XRN1: variants seen among roughly 807,000 people sequenced by gnomAD.
XRN1 encodes the protein 5'-3' exoribonuclease 1, also known as strand-exchange protein 1 homolog.
In XRN1, 67 loss-of-function variants were observed where a neutral mutation model predicts 222.3. The ratio of observed to expected loss-of-function variants is 0.30; its 90% CI spans 0.25 to 0.37. XRN1 has a LOEUF of 0.37. Ranked by LOEUF, XRN1 falls within the 10% of genes least tolerant of loss-of-function variation. The pLI, the probability that XRN1 is intolerant of heterozygous loss-of-function variation, is 1.00. For missense variants in XRN1, 1,707 were observed against 2,000.2 expected (o/e 0.85, Z 2.80); for synonymous variants, 643 against 652.4 (o/e 0.99, Z 0.22).
chr3:142,372,370 G>A (rs1220342387), intron 25 of XRN1, among the ~76,000 whole-genome samples: 1 of 152,156 alleles, frequency 6.6e-6, no homozygotes, highest in African/African-American at 2.4e-5. Context: ...TGCAGGTAGG[G>A]AGTGCTTGTT....
At position 142,391,713 on chromosome 3, in the gene XRN1, G is replaced by T. The variant is rs79082254; in HGVS notation, c.2339+5616C>A. Among the ~76,000 whole-genome samples the T allele has an allele frequency of 6.6e-3, 956 of 143,870 alleles. 14 individuals are homozygous for T. Among genetic ancestry groups the T allele is most frequent in the African/African-American group, 0.024 (903 of 38,288 alleles). The allele number at this position is 143,870 out of a possible 152,430, so 94.4% of individuals were successfully genotyped here. Reference sequence around the variant, plus strand: ...TGTGCCACTGCACTCCACCCTGAGTGACATAGTAAGACCCCGTCTCACTAA... The same window carrying T: ...TGTGCCACTGCACTCCACCCTGAGTTACATAGTAAGACCCCGTCTCACTAA... On this transcript the variant is annotated intron_variant, in intron 20 of 40. Transcript: ENST00000392981.
rs561934613 is a variant in XRN1, at chr3:142,328,826, G to A, written c.4404+608C>T. On this transcript the variant is annotated intron_variant, in intron 37 of 40. Coordinates refer to ENST00000392981, the MANE Select transcript of XRN1 (RefSeq NM_001282857.2). The stretch of plus-strand genomic sequence containing the variant: ...CAGGCTGGAGTGCAATGGCATAATC[G>A]TGGCTCACTGAAGTCCTGACCTCCT... 2.2e-3 allele frequency among the ~76,000 whole-genome samples: 311 copies of A among 139,710 alleles called. 5 individuals are homozygous for A. The highest frequency in any genetic ancestry group is 2.9e-3 in the Non-Finnish European group (190 of 64,426). 91.7% of individuals were successfully genotyped at this position (139,710 alleles called of 152,430 possible).
chr3:142,371,550 A>T (rs1168341884), intron 25 of XRN1, among the ~76,000 whole-genome samples: 1 of 152,200 alleles, frequency 6.6e-6, no homozygotes, highest in Non-Finnish European at 1.5e-5. Context: ...TTCAAGTCAT[A>T]AACTTATAAT....
chr3:142,396,468 C>T (rs967737857), intron 20 of XRN1, among the ~76,000 whole-genome samples: 2 of 152,120 alleles, frequency 1.3e-5, no homozygotes, highest in Admixed American at 1.3e-4. Context: ...CTACAAAAGA[C>T]AACTTAGAAT....
rs376896328 is a variant in XRN1, at chr3:142,370,635, A to G, written c.3069-15T>C. ...CTTTTTCAGCACTAAAGCAAAAACA[A>G]TAATTTTTAAAATTTGATTAAAACT... On this transcript the variant is annotated splice_polypyrimidine_tract_variant and intron_variant, in intron 26 of 40. Transcript: ENST00000392981. The G allele has an allele frequency of 6.4e-6, 10 of 1,552,924 alleles. No individual in the cohort carries two copies. The African/African-American group carries it at 7.0e-5, about 11-fold the overall frequency.
intron 1 of XRN1, among the ~76,000 whole-genome samples, chr3:142,445,009 T>C (rs1326814484): frequency 2.6e-5 from 4 of 152,258 alleles, no homozygotes; most frequent in Non-Finnish European, 4.4e-5. Context: ...CATTCTGTTA[T>C]GCTGCTTTGG....
Position 142,425,263 on chromosome 3 carries a change from G to GTATCATTAAAAAA in XRN1, c.585_586insTTTTTTAATGATA (p.Pro196PhefsTer17). The GTATCATTAAAAAA allele has an allele frequency of 6.2e-7, 1 of 1,606,488 alleles. No individual in the cohort carries two copies. The highest frequency in any genetic ancestry group is 8.5e-7 in the Non-Finnish European group (1 of 1,176,338). ...CCATAAAGACAGTGTCTGGTGTTTG[G>GTATCATTAAAAAA]ATCATGATCTGGCTTTGCTTTCTCG... On this transcript the variant is annotated frameshift_variant, in exon 5 of 41. Coordinates refer to ENST00000392981, the MANE Select transcript of XRN1 (RefSeq NM_001282857.2). LOFTEE classifies it high-confidence loss of function.
chr3:142,369,303 T>C (rs769287904), intron 27 of XRN1, among the ~76,000 whole-genome samples: 3 of 152,090 alleles, frequency 2.0e-5, no homozygotes, highest in Non-Finnish European at 2.9e-5. Flanking sequence ...ATAGGAGAGA[T>C]TGAGGGAGTT....
chr3:142,322,280 G>C (rs1267553632), intron 37 of XRN1, among the ~76,000 whole-genome samples: 2 of 152,124 alleles, frequency 1.3e-5, no homozygotes, highest in African/African-American at 2.4e-5. Context: ...ACAGTGGTGT[G>C]ATCAAGGCTC....
At chr3:142,421,661 AAC>A (rs2069040673) in intron 8 of XRN1, 118 bp from the exon 9 acceptor site, 4 of 657,156 alleles carry the variant, frequency 6.1e-6, no homozygotes, top group Non-Finnish European at 9.6e-6. Context: ...ATCAAGAAAA[AAC>A]AGTGTTGGAC....
At chr3:142,365,445 T>A in intron 27 of XRN1, 79 bp from the exon 28 acceptor site, 1 of 1,096,724 alleles carries the variant, frequency 9.1e-7, no homozygotes, top group Non-Finnish European at 1.2e-6. Context: ...CTTCCACATG[T>A]CTGAATTTTA....
chr3:142,421,272 T>A, intron 9 of XRN1, 119 bp from the exon 10 acceptor site: 1 of 1,066,018 alleles, frequency 9.4e-7, no homozygotes, highest in Non-Finnish European at 1.3e-6. Context: ...GTTACTCTTT[T>A]ATATATATGG....
chr3:142,431,872 A>T (rs1392715951), intron 2 of XRN1, among the ~76,000 whole-genome samples: 1 of 29,082 alleles, frequency 3.4e-5, no homozygotes, highest in Admixed American at 4.8e-4. Flanking sequence ...ATAATATATT[A>T]TATTATATAT....
chr3:142,395,609 G>T (rs1260427052), intron 20 of XRN1, among the ~76,000 whole-genome samples: 2 of 152,150 alleles, frequency 1.3e-5, no homozygotes, highest in Non-Finnish European at 2.9e-5. Context: ...CTCCACTTCT[G>T]CAACTCTCAA....
At position 142,447,884 on chromosome 3, in the gene XRN1, C is replaced by A. The variant is rs2070600306; in HGVS notation, c.61G>T (p.Val21Leu). The change falls in exon 1 of 41, where the codon GTG becomes TTG. Residue 21 changes from valine to leucine, a missense_variant. Physicochemically the swap from Val to Leu is conservative, Grantham distance 32 (BLOSUM62 1). Transcript: ENST00000392981. The surrounding 1 kb of genome is among the most constrained non-coding windows in gnomAD (Gnocchi z 4.2). ...CGCTCACCCACCTGATGCTCTTTCA[C>A]CACTTCGCTGAGACAGGGATACCGC... is the stretch of plus-strand genomic sequence containing the variant. ...SERYPCLSEV[V>L]KEHQIPEFDN... The A allele has an allele frequency of 1.2e-6, 2 of 1,613,692 alleles. No individual in the cohort carries two copies. The highest frequency in any genetic ancestry group is 1.3e-5 in the African/African-American group (1 of 74,876).
chr3:142,403,931 T>C lies in XRN1; in HGVS notation c.1942A>G (p.Arg648Gly), dbSNP rs774086153. Reference protein sequence around the residue: ...RVDINKNKITRIDQKALYFCG... With the variant: ...RVDINKNKITGIDQKALYFCG... ...AAATATAATGCTTTCTGGTCAATTC[T>C]GGTTATTTTGTTTTTGTTTATGTCT... is the stretch of plus-strand genomic sequence containing the variant. Residue 648 changes from arginine to glycine, a missense_variant, in exon 17 of 41, where the codon AGA (arginine) becomes GGA (glycine). Transcript: ENST00000392981. The C allele has an allele frequency of 6.2e-7, 1 of 1,612,194 alleles. No individual in the cohort carries two copies. Among genetic ancestry groups the C allele is most frequent in the South Asian group, 1.1e-5 (1 of 90,964 alleles).
At chr3:142,362,765 TTCTC>T (rs1216982730) in intron 29 of XRN1, among the ~76,000 whole-genome samples, 16 of 146,196 alleles carry the variant, frequency 1.1e-4, no homozygotes, top group South Asian at 2.4e-4. Context: ...TTTCTTCCTT[TTCTC>T]TCTCTCTCTC....
intron 34 of XRN1, among the ~76,000 whole-genome samples, chr3:142,334,630 AAT>A (rs1408846835): frequency 6.6e-6 from 1 of 151,322 alleles, no homozygotes; most frequent in African/African-American, 2.4e-5. Context: ...TGTATATGTA[AAT>A]ATATATTTCT....
rs201326452 is a variant in XRN1 at position 142,357,077 on chromosome 3, C to G, written c.3507G>C (p.Leu1169Phe). The G allele has an allele frequency of 3.1e-6, 5 of 1,613,626 alleles. No individual in the cohort carries two copies. The Admixed American group carries it at 8.3e-5, about 27-fold the overall frequency. Residue 1169 changes from leucine (L) to phenylalanine (F), a missense_variant, in exon 31 of 41, where the codon TTG (leucine) becomes TTC (phenylalanine). By Grantham distance (22) the Leu-to-Phe change is conservative. Around this residue, in one of 2 missense-constraint regions of XRN1, gnomAD observed 1,234 missense variants for 1,518.2 expected, o/e 0.81. Coordinates refer to ENST00000392981, the MANE Select transcript of XRN1 (RefSeq NM_001282857.2). Reference sequence around the variant, plus strand: ...AGCGACTCCCATGAGAAAGGTTCACCAAGGCACTTGTTGGCAGTCGATAAC... The same window carrying G: ...AGCGACTCCCATGAGAAAGGTTCACGAAGGCACTTGTTGGCAGTCGATAAC... ...GRGYRLPTSA[L>F]VNLSHGSRSE...
Sources: gnomAD v4.1 joint callset for allele counts (sites outside exome capture counted in the v4.1 genomes callset) on GRCh38, gnomAD v4.1.1 for gene constraint, gnomAD v4.1.1 regional missense constraint, Gnocchi (gnomAD v3.1) non-coding constraint, MANE v1.5 for transcripts, NCBI Gene and HGNC (gene_info 2026-07-23, HGNC 2026-07-21) for gene names.